The following BMPER variants were observed in gnomAD, a reference collection of about 807,000 sequenced individuals.
BMPER encodes the protein BMP binding endothelial regulator, also known as BMP-binding endothelial regulator protein.
A neutral mutation model predicts 87.3 loss-of-function variants in BMPER; 45 were observed. The observed-to-expected ratio is 0.52, with a 90% CI of 0.41 to 0.66. BMPER has a LOEUF of 0.66. BMPER is among the 30% of genes least tolerant of loss of function. The pLI, the probability that BMPER is intolerant of heterozygous loss-of-function variation, is 0.00. For missense variants in BMPER, 784 were observed against 867.5 expected (o/e 0.90, Z 1.21); for synonymous variants, 326 against 316.2 (o/e 1.03, Z -0.33).
At chr7:33,979,495 G>A (rs573288085) in intron 6 of BMPER, among the ~76,000 whole-genome samples, 3 of 151,962 alleles carry the variant, frequency 2.0e-5, no homozygotes, top group African/African-American at 4.8e-5. Context: ...ACTGGCAGGC[G>A]CTCAGCAATG....
At chr7:34,045,453 GA>G (rs1426794429) in intron 6 of BMPER, among the ~76,000 whole-genome samples, 1 of 152,134 alleles carries the variant, frequency 6.6e-6, no homozygotes, top group Non-Finnish European at 1.5e-5. Context: ...AGGGGATGCT[GA>G]GGTTAAACCA....
intron 6 of BMPER, among the ~76,000 whole-genome samples, chr7:33,997,204 G>A (rs573819118): frequency 3.9e-5 from 6 of 152,226 alleles, no homozygotes; most frequent in African/African-American, 1.2e-4. Context: ...GTCCCCCTCT[G>A]CTTCAGATTT....
At chr7:33,913,960 ATTT>A (rs59183615) in intron 2 of BMPER, among the ~76,000 whole-genome samples, 67 of 134,254 alleles carry the variant, frequency 5.0e-4, no homozygotes, top group Non-Finnish European at 6.3e-4. Context: ...TTTTAGCACA[ATTT>A]TTTTTTTTTT....
chr7:34,019,465 A>G (rs1049950869), intron 6 of BMPER, among the ~76,000 whole-genome samples: 1 of 151,994 alleles, frequency 6.6e-6, no homozygotes, highest in Non-Finnish European at 1.5e-5. Flanking sequence ...GATCCGCATC[A>G]TTTATACGCC....
At chr7:34,001,568 T>C (rs1786581031) in intron 6 of BMPER, among the ~76,000 whole-genome samples, 2 of 151,666 alleles carry the variant, frequency 1.3e-5, no homozygotes, top group South Asian at 4.1e-4. Flanking sequence ...GCTTTCTTTT[T>C]TTTTTTTTTC....
chr7:34,095,745 T>TA lies in BMPER; in HGVS notation c.1745+9653_1745+9654insA, dbSNP rs869193724. On this transcript the variant is annotated intron_variant, in intron 13 of 14. Coordinates refer to ENST00000649409, the MANE Select transcript of BMPER (RefSeq NM_001365308.1). ...CAATATACAGAACTTCCAGGCATGATTTTTTTTAGTTAACCTCAAGCCTGG... is the reference window on the plus strand; with the variant it reads ...CAATATACAGAACTTCCAGGCATGATATTTTTTTAGTTAACCTCAAGCCTGG... Among the ~76,000 whole-genome samples, 4 of 352 alleles carry TA rather than the reference T, an allele frequency of 0.011. No homozygotes were observed. The Admixed American group carries it at 0.3, about 26-fold the overall frequency. 0.2% of individuals were successfully genotyped at this position (352 alleles called of 152,430 possible).
chr7:33,993,257 A>G (rs1220852453), intron 6 of BMPER, among the ~76,000 whole-genome samples: 9 of 151,576 alleles, frequency 5.9e-5, no homozygotes, highest in African/African-American at 1.9e-4. Flanking sequence ...AGGTACACCA[A>G]TCAGACATAG....
Position 34,124,439 on chromosome 7 carries a change from G to A in BMPER, c.1746-18791G>A, listed in dbSNP as rs548169811. On this transcript the variant is annotated intron_variant, in intron 13 of 14. Coordinates refer to ENST00000649409, the MANE Select transcript of BMPER (RefSeq NM_001365308.1). ...TTATTGTTAGCTTTCCATAGGTTTTGCATTGTAAAGTTTTTTTTTTTTTTG... is the reference window on the plus strand; with the variant it reads ...TTATTGTTAGCTTTCCATAGGTTTTACATTGTAAAGTTTTTTTTTTTTTTG... Among the ~76,000 whole-genome samples the A allele has an allele frequency of 2.6e-3, 307 of 119,174 alleles. 5 individuals are homozygous for A. The highest frequency in any genetic ancestry group is 1.8e-3 in the Admixed American group (16 of 9,104). The allele number at this position is 119,174 out of a possible 152,430, so 78.2% of individuals were successfully genotyped here. A position where few individuals can be genotyped will look rare whatever the true frequency, so the allele number is the denominator to read the frequency against.
At chr7:34,121,363 T>C (rs1437209206) in intron 13 of BMPER, among the ~76,000 whole-genome samples, 1 of 152,230 alleles carries the variant, frequency 6.6e-6, no homozygotes, top group Non-Finnish European at 1.5e-5. Flanking sequence ...TAGCTGGTAG[T>C]TGATATTTTA....
intron 6 of BMPER, among the ~76,000 whole-genome samples, chr7:34,013,533 A>G (rs914886489): frequency 6.6e-6 from 1 of 151,930 alleles, no homozygotes; most frequent in Non-Finnish European, 1.5e-5. Context: ...TATAATTTAC[A>G]TATCATAAAA....
intron 3 of BMPER, among the ~76,000 whole-genome samples, chr7:33,960,099 C>T (rs549448197): frequency 6.6e-6 from 1 of 152,166 alleles, no homozygotes; most frequent in East Asian, 1.9e-4. Flanking sequence ...GCTAAAAAAG[C>T]AATGAAAAAA....
intron 2 of BMPER, among the ~76,000 whole-genome samples, chr7:33,932,897 G>T (rs576991951): frequency 6.6e-6 from 1 of 152,296 alleles, no homozygotes; most frequent in South Asian, 2.1e-4. Flanking sequence ...ACACGAGAAC[G>T]TTTCACAGCG....
intron 13 of BMPER, among the ~76,000 whole-genome samples, chr7:34,107,611 G>A (rs1789855459): frequency 6.6e-6 from 1 of 152,150 alleles, no homozygotes; most frequent in South Asian, 2.1e-4. Context: ...AGGCCCAGGT[G>A]TTTTTCTCCT....
chr7:34,024,380 AAACAATATATAT>A (rs1787289578), intron 6 of BMPER, among the ~76,000 whole-genome samples: 1 of 72,828 alleles, frequency 1.4e-5, no homozygotes, highest in African/African-American at 6.9e-5. Flanking sequence ...AAAAAAAAAA[AAACAATATATAT>A]ATATATATAT....
In BMPER at chr7:34,154,625, A is replaced by G. The variant is rs1357173489; in HGVS notation, c.*1352A>G. On this transcript the variant is annotated 3_prime_UTR_variant, in exon 15 of 15. Transcript: ENST00000649409. ...TCTTACAACAGTATATATAAAGACT[A>G]TTATTAATAGACAAAAGCAAACCCA... The G allele has an allele frequency of 6.6e-6, 1 of 152,228 alleles. No homozygotes were observed. Among genetic ancestry groups the G allele is most frequent in the Non-Finnish European group, 1.5e-5 (1 of 68,044 alleles). The allele number at this position is 152,228 out of a possible 1,614,324, so 9.4% of individuals were successfully genotyped here.
intron 13 of BMPER, among the ~76,000 whole-genome samples, chr7:34,139,850 A>G (rs1203480980): frequency 6.6e-6 from 1 of 152,154 alleles, no homozygotes; most frequent in Admixed American, 6.5e-5. Flanking sequence ...ATTATGGATA[A>G]TTTAGGTTAT....
intron 3 of BMPER, among the ~76,000 whole-genome samples, chr7:33,961,953 G>A (rs939118617): frequency 5.9e-5 from 9 of 152,100 alleles, no homozygotes; most frequent in African/African-American, 9.7e-5. Context: ...CCAGTTCTTT[G>A]CCATTTGACT....
chr7:34,006,542 T>C lies in BMPER; in HGVS notation c.576+31758T>C, dbSNP rs375487298. ...TGATGTGTACTCCAGAAGTCAAAAT[T>C]GCTAATTTTTTATATTCTCTCTTGG... On this transcript the variant is annotated intron_variant, in intron 6 of 14. Coordinates refer to ENST00000649409, the MANE Select transcript of BMPER (RefSeq NM_001365308.1). 2.0e-4 allele frequency among the ~76,000 whole-genome samples: 30 copies of C among 152,158 alleles called. No homozygotes were observed. The South Asian group carries it at 5.8e-3, about 29-fold the overall frequency.
chr7:33,943,960 C>T (rs893273288), intron 3 of BMPER, among the ~76,000 whole-genome samples: 1 of 152,094 alleles, frequency 6.6e-6, no homozygotes, highest in African/African-American at 2.4e-5. Context: ...GTGTTTTCTA[C>T]AATAAAGTGT....
Sources: allele counts gnomAD v4.1 joint callset (sites outside exome capture counted in the v4.1 genomes callset), GRCh38; gene constraint gnomAD v4.1.1; transcripts MANE v1.5; gene names NCBI Gene and HGNC (gene_info 2026-07-23, HGNC 2026-07-21).